The following CFAP44 variants were observed in gnomAD, a reference collection of about 807,000 sequenced individuals.
CFAP44 encodes cilia- and flagella-associated protein 44.
CFAP44 carries 134 observed loss-of-function variants against 216.2 expected under a neutral mutation model. The observed-to-expected ratio is 0.62, with a 90% CI of 0.54 to 0.72. The LOEUF (loss-of-function observed/expected upper bound fraction) is 0.72, where lower values mean the gene tolerates loss of function less well. Among genes scored for constraint, CFAP44 ranks in the 30% least tolerant of loss-of-function variants. CFAP44 has a pLI of 0.00. For missense variants in CFAP44, 2,035 were observed against 2,182.1 expected (o/e 0.93, Z 1.34); for synonymous variants, 700 against 727.6 (o/e 0.96, Z 0.61).
chr3:113,385,789 C>A (rs148648151), intron 15 of CFAP44, among the ~76,000 whole-genome samples: 22 of 150,234 alleles, frequency 1.5e-4, no homozygotes, highest in Admixed American at 8.6e-4. Context: ...ATAGGCATGC[C>A]ACCACAAAGC....
rs1950229840 is a variant in CFAP44 at position 113,330,373 on chromosome 3, C to T, written c.3911G>A (p.Gly1304Glu). The T allele has an allele frequency of 6.5e-7, 1 of 1,537,216 alleles. No homozygotes were observed. Among genetic ancestry groups the T allele is most frequent in the Admixed American group, 2.0e-5 (1 of 50,970 alleles). ...TCTAGAAGAGAGTTTGAGGAATCCTCCAACTGGGCCTCCAGACCCTGTCTG... is the reference window on the plus strand; with the variant it reads ...TCTAGAAGAGAGTTTGAGGAATCCTTCAACTGGGCCTCCAGACCCTGTCTG... The part of the protein sequence containing the change: ...VEQTGSGGPV[G>E]GFLKLSSRKD... The change falls in exon 26 of 35, where the codon GGA (glycine) becomes GAA (glutamate). Residue 1304 changes from glycine (G) to glutamate (E), a missense_variant. Gly to Glu is a moderately conservative substitution (Grantham distance 98). Coordinates refer to ENST00000393845, the MANE Select transcript of CFAP44 (RefSeq NM_001164496.2).
At position 113,416,599 on chromosome 3, in the gene CFAP44, A is replaced by G; in HGVS notation, c.599T>C (p.Val200Ala). ...GVHPHKTYFT[V>A]AEKGSFPDII... ...ATCTGGAAAACTCCCTTTTTCAGCT[A>G]CTGTGAAATAAGTTTTATGTGGATG... Residue 200 changes from valine (V) to alanine (A), a missense_variant, in exon 6 of 35, where the codon GTA becomes GCA. By Grantham distance (64) the Val-to-Ala change is moderately conservative. Transcript: ENST00000393845. The G allele has an allele frequency of 7.4e-6, 12 of 1,611,802 alleles. No homozygotes were observed. Among genetic ancestry groups the G allele is most frequent in the Non-Finnish European group, 1.0e-5 (12 of 1,178,666 alleles).
Position 113,330,363 on chromosome 3 carries a change from G to C in CFAP44, c.3921C>G (p.Leu1307=), listed in dbSNP as rs1348867246. 6.5e-7 allele frequency: 1 copy of C among 1,537,272 alleles called. No individual in the cohort carries two copies. Among genetic ancestry groups the C allele is most frequent in the Admixed American group, 2.0e-5 (1 of 50,978 alleles). ...CCCCATCCTTTCTAGAAGAGAGTTT[G>C]AGGAATCCTCCAACTGGGCCTCCAG... ...TGSGGPVGGF[L]KLSSRKDGDL... Residue 1307 remains leucine, a synonymous_variant, in exon 26 of 35, where the codon CTC becomes CTG. Transcript: ENST00000393845.
chr3:113,373,612 G>A, intron 17 of CFAP44, 56 bp from the exon 18 acceptor site: 2 of 1,345,558 alleles, frequency 1.5e-6, no homozygotes, highest in Non-Finnish European at 9.7e-7. Context: ...ACACATAAAT[G>A]CATGAGAATT....
chr3:113,390,642 T>C (rs1354576437), intron 15 of CFAP44, among the ~76,000 whole-genome samples: 1 of 152,040 alleles, frequency 6.6e-6, no homozygotes, highest in African/African-American at 2.4e-5. Flanking sequence ...ACAAATTTGG[T>C]AAAGTTGCAG....
At chr3:113,319,342 A>T (rs1374623980) in intron 28 of CFAP44, among the ~76,000 whole-genome samples, 1 of 152,158 alleles carries the variant, frequency 6.6e-6, no homozygotes, top group African/African-American at 2.4e-5. Context: ...GATAATGAAG[A>T]GCATCACATA....
chr3:113,296,914 T>G, intron 32 of CFAP44, 29 bp from the exon 33 acceptor site: 2 of 1,536,998 alleles, frequency 1.3e-6, no homozygotes, highest in South Asian at 1.2e-5. Context: ...TGGCTCAGGT[T>G]GTTCAATGGC....
At chr3:113,403,795 G>C in intron 9 of CFAP44, 57 bp downstream of exon 9, 1 of 1,537,720 alleles carries the variant, frequency 6.5e-7, no homozygotes. Flanking sequence ...AAAACCCTTT[G>C]GGTGAGCTAC....
intron 28 of CFAP44, among the ~76,000 whole-genome samples, chr3:113,317,577 C>T (rs1950100703): frequency 6.6e-6 from 1 of 152,206 alleles, no homozygotes; most frequent in Admixed American, 6.5e-5. Context: ...AATTGGATCC[C>T]CCAGTGCAGC....
intron 19 of CFAP44, among the ~76,000 whole-genome samples, chr3:113,363,790 A>C (rs1950563958): frequency 6.6e-6 from 1 of 152,158 alleles, no homozygotes; most frequent in South Asian, 2.1e-4. Flanking sequence ...CAAAATGTTA[A>C]TATCCCCATA....
chr3:113,391,423 T>A (rs536642432), intron 15 of CFAP44, among the ~76,000 whole-genome samples: 1 of 152,212 alleles, frequency 6.6e-6, no homozygotes, highest in East Asian at 1.9e-4. Context: ...CTCCAGGACA[T>A]TAGACTGGGC....
intron 18 of CFAP44, among the ~76,000 whole-genome samples, chr3:113,372,775 A>G (rs867087273): frequency 2.6e-5 from 4 of 152,170 alleles, no homozygotes; most frequent in Non-Finnish European, 5.9e-5. Context: ...ACAGAAGCAT[A>G]AGGGATGACA....
intron 28 of CFAP44, 60 bp from the exon 29 acceptor site, chr3:113,308,328 T>C: frequency 7.7e-7 from 1 of 1,292,526 alleles, no homozygotes; most frequent in South Asian, 1.5e-5. Context: ...AAATACTAGA[T>C]TTTTAAAGTA....
In CFAP44 at chr3:113,401,257, G is replaced by A. The variant is rs1216662522; in HGVS notation, c.1357C>T (p.Leu453Phe). ...CAACTTACAATATTTGAAAAACTAA[G>A]GTCAAGCTTCCATATGGCTCCATTG... ...DANGAIWKLD[L>F]SFSNITQDPE... The change falls in exon 11 of 35, where the codon CTT becomes TTT. Residue 453 changes from leucine to phenylalanine, a missense_variant. Physicochemically the swap from Leu to Phe is conservative, Grantham distance 22. Coordinates refer to ENST00000393845, the MANE Select transcript of CFAP44 (RefSeq NM_001164496.2). 1.3e-6 allele frequency: 2 copies of A among 1,585,686 alleles called. No individual in the cohort carries two copies. Among genetic ancestry groups the A allele is most frequent in the Non-Finnish European group, 1.7e-6 (2 of 1,170,864 alleles).
chr3:113,418,714 T>G (rs544235369), intron 5 of CFAP44, among the ~76,000 whole-genome samples: 6 of 147,680 alleles, frequency 4.1e-5, no homozygotes, highest in South Asian at 4.3e-4. Context: ...GTTTTTTGGG[T>G]TTTTTTTTTG....
chr3:113,347,996 C>A (rs1409672515), intron 22 of CFAP44, among the ~76,000 whole-genome samples: 5 of 152,190 alleles, frequency 3.3e-5, no homozygotes, highest in Admixed American at 6.5e-5. Context: ...GTAAGGGCCA[C>A]TAAATCCAAC....
At chr3:113,405,001 G>T (rs1056608699) in intron 8 of CFAP44, among the ~76,000 whole-genome samples, 2 of 152,132 alleles carry the variant, frequency 1.3e-5, no homozygotes, top group Non-Finnish European at 2.9e-5. Context: ...TCACCAAGAG[G>T]AATTTTTAGA....
chr3:113,416,422 T>C (rs1387702917), intron 6 of CFAP44, 103 bp downstream of exon 6: 1 of 872,744 alleles, frequency 1.1e-6, no homozygotes, highest in Non-Finnish European at 1.8e-6. Flanking sequence ...CTTCCACTAG[T>C]TCTGTTTCTC....
rs1933447172 is a variant in CFAP44 at position 113,379,480 on chromosome 3, G to T, written c.2124C>A (p.Asn708Lys). ...LKEKIREERR[N>K]KLAAEMGEDG... ...CTTCTCCCATCTCTGCTGCTAGCTTGTTCCTCCTTTCTTCCCTTATTTTCT... is the reference window on the plus strand; with the variant it reads ...CTTCTCCCATCTCTGCTGCTAGCTTTTTCCTCCTTTCTTCCCTTATTTTCT... The change falls in exon 17 of 35, where the codon AAC (asparagine) becomes AAA (lysine). Residue 708 changes from asparagine to lysine, a missense_variant. Transcript: ENST00000393845. 6.2e-7 allele frequency: 1 copy of T among 1,607,748 alleles called. No individual in the cohort carries two copies. The highest frequency in any genetic ancestry group is 1.1e-5 in the South Asian group (1 of 90,774).
Sources: allele counts gnomAD v4.1 joint callset (sites outside exome capture counted in the v4.1 genomes callset), GRCh38; gene constraint gnomAD v4.1.1; transcripts MANE v1.5; gene names NCBI Gene and HGNC (gene_info 2026-07-23, HGNC 2026-07-21).